MEI4: variants seen among roughly 807,000 people sequenced by gnomAD.
The protein encoded by MEI4 is meiotic double-stranded break formation protein 4, also known as meiosis-specific protein MEI4.
In MEI4, 27 loss-of-function variants were observed where a neutral mutation model predicts 31.4. The ratio of observed to expected loss-of-function variants is 0.86; its 90% CI spans 0.63 to 1.19. The LOEUF is 1.19. Ranked by LOEUF, MEI4 falls within the 50% of genes most tolerant of loss-of-function variation. MEI4 has a pLI of 0.00. For synonymous variants in MEI4, 122 were observed against 145.4 expected, an observed-to-expected ratio of 0.84 and a Z score of 1.16; for missense variants, 329 against 398.9, an observed-to-expected ratio of 0.82 and a Z score of 1.49.
chr6:77,686,227 C>T (rs1026838543), intron 1 of MEI4, among the ~76,000 whole-genome samples: 3 of 152,168 alleles, frequency 2.0e-5, no homozygotes, highest in Non-Finnish European at 2.9e-5. Context: ...ATAAATTACT[C>T]AGCCTTAGGT....
chr6:77,801,364 C>G (rs923072181), intron 3 of MEI4, among the ~76,000 whole-genome samples: 2 of 150,224 alleles, frequency 1.3e-5, no homozygotes, highest in Non-Finnish European at 3.0e-5. Flanking sequence ...TTTATCACGT[C>G]TATTCTTCTC....
chr6:77,655,707 T>C (rs1768381631), intron 1 of MEI4, among the ~76,000 whole-genome samples: 1 of 152,208 alleles, frequency 6.6e-6, no homozygotes, highest in Admixed American at 6.5e-5. Context: ...TTATTACTTT[T>C]GGGAGCACTA....
At chr6:77,684,295 T>C (rs532360614) in intron 1 of MEI4, among the ~76,000 whole-genome samples, 1 of 152,264 alleles carries the variant, frequency 6.6e-6, no homozygotes, top group South Asian at 2.1e-4. Context: ...ATGGGGTACA[T>C]GAGATACTTT....
chr6:77,876,893 G>A (rs1449658181), intron 4 of MEI4, among the ~76,000 whole-genome samples: 1 of 152,098 alleles, frequency 6.6e-6, no homozygotes, highest in East Asian at 1.9e-4. Flanking sequence ...TAGAAAAGAT[G>A]TGGAAGATAT....
At chr6:77,840,892 T>G (rs1002952935) in intron 4 of MEI4, among the ~76,000 whole-genome samples, 1 of 152,186 alleles carries the variant, frequency 6.6e-6, no homozygotes, top group Non-Finnish European at 1.5e-5. Flanking sequence ...AGCAATAAAC[T>G]GTCAACCTAG....
At position 77,923,427 on chromosome 6, in the gene MEI4, T is replaced by G. The variant is rs1766758639; in HGVS notation, c.*81T>G. 2 of 1,068,104 alleles carry G rather than the reference T, an allele frequency of 1.9e-6. No homozygotes were observed. The highest frequency in any genetic ancestry group is 9.8e-5 in the South Asian group (2 of 20,422). 66.2% of individuals were successfully genotyped at this position (1,068,104 alleles called of 1,614,324 possible). On this transcript the variant is annotated 3_prime_UTR_variant, in exon 5 of 5. Transcript: ENST00000684080. Reference sequence around the variant, plus strand: ...AATCTCATACTGAAAAGATTTTCAATAGTATTTTAATTAGCATTTTAGAAT... The same window carrying G: ...AATCTCATACTGAAAAGATTTTCAAGAGTATTTTAATTAGCATTTTAGAAT...
At chr6:77,913,804 C>G (rs889954173) in intron 4 of MEI4, among the ~76,000 whole-genome samples, 2 of 151,176 alleles carry the variant, frequency 1.3e-5, no homozygotes, top group African/African-American at 2.4e-5. Context: ...GGAGGCAAGG[C>G]AGGCAGATCA....
At chr6:77,812,389 A>C (rs1769594123) in intron 3 of MEI4, among the ~76,000 whole-genome samples, 1 of 152,158 alleles carries the variant, frequency 6.6e-6, no homozygotes. Flanking sequence ...CATATTGCTT[A>C]GAGATGATGA....
rs1464937655 is a variant in MEI4 at position 77,925,643 on chromosome 6, AAC to A, written c.*2298_*2299del. On this transcript the variant is annotated 3_prime_UTR_variant, in exon 5 of 5. Coordinates refer to ENST00000684080, the MANE Select transcript of MEI4 (RefSeq NM_001322247.2). ...GTCAGTAGTAATTGGGCAGCATTGA[AAC>A]TGGATATAAGATAGGATAGGAAATA... 6 of 151,400 alleles carry A rather than the reference AAC, an allele frequency of 4.0e-5. No homozygotes were observed. The Admixed American group carries it at 4.0e-4, about 10-fold the overall frequency. The allele number at this position is 151,400 out of a possible 1,614,324, so 9.4% of individuals were successfully genotyped here.
chr6:77,790,725 G>A (rs1297855149), intron 3 of MEI4, among the ~76,000 whole-genome samples: 1 of 152,030 alleles, frequency 6.6e-6, no homozygotes, highest in Admixed American at 6.6e-5. Context: ...AGGATAAAGA[G>A]AGTATCTTTT....
In MEI4 at chr6:77,710,539, A is replaced by AG. The variant is rs1554152926; in HGVS notation, c.232+19636_232+19637insG. Among the ~76,000 whole-genome samples the AG allele has an allele frequency of 2.0e-3, 240 of 120,790 alleles. 3 individuals are homozygous for AG. Among genetic ancestry groups the AG allele is most frequent in the African/African-American group, 4.5e-3 (155 of 34,616 alleles). The allele number at this position is 120,790 out of a possible 152,430, so 79.2% of individuals were successfully genotyped here. ...CCATCTCAAAAAAAAAAAAAAAAAAAAAAGAAAAGGTAAAATAAAGTGTCA... is the reference window on the plus strand; with the variant it reads ...CCATCTCAAAAAAAAAAAAAAAAAAAGAAAGAAAAGGTAAAATAAAGTGTCA... On this transcript the variant is annotated intron_variant, in intron 2 of 4. Coordinates refer to ENST00000684080, the MANE Select transcript of MEI4 (RefSeq NM_001322247.2).
intron 3 of MEI4, among the ~76,000 whole-genome samples, chr6:77,818,346 C>T (rs1038453567): frequency 3.9e-5 from 6 of 151,948 alleles, no homozygotes; most frequent in South Asian, 2.1e-4. Context: ...AAAGTGTGTC[C>T]CATTAGAAGT....
intron 3 of MEI4, among the ~76,000 whole-genome samples, chr6:77,805,626 C>A (rs960253538): frequency 6.6e-6 from 1 of 151,810 alleles, no homozygotes; most frequent in Non-Finnish European, 1.5e-5. Flanking sequence ...GTGTCTTAGA[C>A]CAGGAAAATA....
intron 4 of MEI4, among the ~76,000 whole-genome samples, chr6:77,856,422 A>G (rs1582220271): frequency 6.6e-6 from 1 of 152,114 alleles, no homozygotes; most frequent in Non-Finnish European, 1.5e-5. Context: ...AGCCCTACCT[A>G]TGCCATTGTA....
chr6:77,863,952 A>G (rs1461121178), intron 4 of MEI4, among the ~76,000 whole-genome samples: 1 of 152,182 alleles, frequency 6.6e-6, no homozygotes, highest in African/African-American at 2.4e-5. Context: ...AAGAATTTTG[A>G]ACCCAGAATT....
At chr6:77,744,772 C>T (rs1339204441) in intron 2 of MEI4, among the ~76,000 whole-genome samples, 9 of 152,166 alleles carry the variant, frequency 5.9e-5, no homozygotes, top group South Asian at 2.1e-4. Flanking sequence ...GTCGATCTCT[C>T]GGCAGAAACC....
At chr6:77,746,234 TAAAG>T (rs1483480809) in intron 2 of MEI4, among the ~76,000 whole-genome samples, 2 of 152,060 alleles carry the variant, frequency 1.3e-5, no homozygotes, top group Non-Finnish European at 2.9e-5. Flanking sequence ...GCAAGACTAA[TAAAG>T]AAGAAAAGAG....
chr6:77,921,453 A>T (rs192819607), intron 4 of MEI4, among the ~76,000 whole-genome samples: 129 of 151,840 alleles, frequency 8.5e-4, no homozygotes, highest in Non-Finnish European at 1.5e-3. Flanking sequence ...AATTTTTTCC[A>T]TGTTACCAGT....
At chr6:77,681,182 C>A (rs1768950906) in intron 1 of MEI4, among the ~76,000 whole-genome samples, 1 of 152,082 alleles carries the variant, frequency 6.6e-6, no homozygotes, top group Admixed American at 6.6e-5. Flanking sequence ...GTTGTCTCTT[C>A]TGGTTACTTC....
Sources: gnomAD v4.1 joint callset for allele counts (sites outside exome capture counted in the v4.1 genomes callset) on GRCh38, gnomAD v4.1.1 for gene constraint, MANE v1.5 for transcripts, NCBI Gene and HGNC (gene_info 2026-07-23, HGNC 2026-07-21) for gene names.